ATOSA: variants seen among roughly 807,000 people sequenced by gnomAD.
The protein encoded by ATOSA is atos homolog protein A.
At chr15:52,612,052 T>G in the ATOSA span, among the ~76,000 whole-genome samples, 2,249 of 152,254 alleles carry the variant, frequency 0.015, 57 homozygotes, top group African/African-American at 0.052. Context: ...TGGTGCAGTC[T>G]CGGCTCACTG....
At chr15:52,617,768 T>C in the ATOSA span, among the ~76,000 whole-genome samples, 1 of 76,892 alleles carries the variant, frequency 1.3e-5, no homozygotes, top group Non-Finnish European at 2.2e-5. Flanking sequence ...ATTTATTTAT[T>C]AATAATTTAT....
the ATOSA span, among the ~76,000 whole-genome samples, chr15:52,638,450 T>C: frequency 1.3e-4 from 20 of 152,006 alleles, no homozygotes; most frequent in African/African-American, 4.8e-4. Flanking sequence ...CTCCCAGCAC[T>C]TTGGGAGGCT....
At chr15:52,652,037 G>A in the ATOSA span, 4 of 1,488,088 alleles carry the variant, frequency 2.7e-6, no homozygotes, top group African/African-American at 2.8e-5. Context: ...GCTTCCCTCC[G>A]TGTAAGGTTT....
the ATOSA span, among the ~76,000 whole-genome samples, chr15:52,596,825 G>A: frequency 4.6e-5 from 7 of 152,116 alleles, no homozygotes; most frequent in Admixed American, 1.3e-4. Context: ...AAGAAAATTC[G>A]ACATCAAAAA....
the ATOSA span, chr15:52,610,426 G>T: frequency 6.6e-7 from 1 of 1,525,736 alleles, no homozygotes; most frequent in South Asian, 1.3e-5. Flanking sequence ...GATTATAAAG[G>T]TTAGATCCTT....
chr15:52,593,380 A>G, the ATOSA span: 1 of 532,290 alleles, frequency 1.9e-6, no homozygotes, highest in Non-Finnish European at 3.4e-6. Context: ...CATTTTTAGT[A>G]CCATCCTTAA....
At chr15:52,698,062 C>T in the ATOSA span, among the ~76,000 whole-genome samples, 1 of 148,002 alleles carries the variant, frequency 6.8e-6, no homozygotes, top group Admixed American at 6.8e-5. Context: ...CTGCAACCTC[C>T]ACCTCCCGGA....
the ATOSA span, among the ~76,000 whole-genome samples, chr15:52,630,601 T>C: frequency 6.6e-6 from 1 of 152,174 alleles, no homozygotes; most frequent in East Asian, 1.9e-4. Context: ...AGGTACACAC[T>C]GGTGCAAACA....
the ATOSA span, among the ~76,000 whole-genome samples, chr15:52,592,905 G>A: frequency 6.6e-6 from 1 of 152,124 alleles, no homozygotes; most frequent in Non-Finnish European, 1.5e-5. Context: ...CCCAACACTT[G>A]GAAGGCCAAA....
chr15:52,664,525 C>T, the ATOSA span, among the ~76,000 whole-genome samples: 3 of 152,182 alleles, frequency 2.0e-5, no homozygotes, highest in South Asian at 4.1e-4. Flanking sequence ...GAGAGTTTAA[C>T]TTTACTAAAC....
the ATOSA span, among the ~76,000 whole-genome samples, chr15:52,631,447 T>G: frequency 2.4e-4 from 37 of 152,150 alleles, no homozygotes; most frequent in African/African-American, 8.2e-4. Flanking sequence ...GATGAAAATA[T>G]TAAGGTGAAG....
At chr15:52,701,540 T>C in the ATOSA span, among the ~76,000 whole-genome samples, 1 of 152,208 alleles carries the variant, frequency 6.6e-6, no homozygotes, top group African/African-American at 2.4e-5. Flanking sequence ...TTAGAAAGGA[T>C]AAATTAGATC....
the ATOSA span, among the ~76,000 whole-genome samples, chr15:52,680,089 G>A: frequency 6.7e-6 from 1 of 149,844 alleles, no homozygotes; most frequent in East Asian, 2.0e-4. Flanking sequence ...CTAAAACACT[G>A]ACTCATGGGC....
At chr15:52,633,426 C>A in the ATOSA span, among the ~76,000 whole-genome samples, 1 of 152,132 alleles carries the variant, frequency 6.6e-6, no homozygotes, top group Non-Finnish European at 1.5e-5. Context: ...ACAGGTGAGC[C>A]CAACAACTGC....
chr15:52,640,165 A>G, the ATOSA span, among the ~76,000 whole-genome samples: 3 of 152,186 alleles, frequency 2.0e-5, no homozygotes, highest in Non-Finnish European at 4.4e-5. Flanking sequence ...ACTTCCAAGA[A>G]TAGGCCCATT....
chr15:52,623,464 C>A, the ATOSA span, among the ~76,000 whole-genome samples: 1 of 151,772 alleles, frequency 6.6e-6, no homozygotes, highest in Non-Finnish European at 1.5e-5. Context: ...CAAGAGTTAC[C>A]TAGAGGAATA....
chr15:52,593,025 G>A, the ATOSA span, among the ~76,000 whole-genome samples: 1 of 152,062 alleles, frequency 6.6e-6, no homozygotes, highest in Admixed American at 6.6e-5. Context: ...CATATCTGTA[G>A]ACCCAGCTAT....
At chr15:52,706,536 C>G in the ATOSA span, among the ~76,000 whole-genome samples, 1 of 152,116 alleles carries the variant, frequency 6.6e-6, no homozygotes, top group South Asian at 2.1e-4. Context: ...GACAGGCTGT[C>G]TTATAAGAAC....
the ATOSA span, among the ~76,000 whole-genome samples, chr15:52,606,877 G>C: frequency 6.6e-6 from 1 of 152,142 alleles, no homozygotes; most frequent in African/African-American, 2.4e-5. Context: ...TTTAGACTTG[G>C]ATCAAGGTAC....
Sources: gnomAD v4.1 joint callset for allele counts (sites outside exome capture counted in the v4.1 genomes callset) on GRCh38, gnomAD v4.1.1 for gene constraint, MANE v1.5 for transcripts, NCBI Gene and HGNC (gene_info 2026-07-23, HGNC 2026-07-21) for gene names.